The following IQUB variants were observed in gnomAD, a reference collection of about 807,000 sequenced individuals.
IQUB encodes the protein IQ motif and ubiquitin-like domain-containing protein.
IQUB carries 86 observed loss-of-function variants against 86.4 expected under a neutral mutation model. The ratio of observed to expected loss-of-function variants is 1.00; its 90% CI spans 0.84 to 1.19. The LOEUF (loss-of-function observed/expected upper bound fraction) is 1.19, where lower values mean the gene tolerates loss of function less well. Ranked by LOEUF, IQUB falls within the 50% of genes most tolerant of loss-of-function variation. The probability of loss-of-function intolerance (pLI) is 0.00; values close to 1 mark genes in which losing one functional copy is unlikely to be tolerated. For synonymous variants in IQUB, 289 were observed against 304.5 expected (o/e 0.95, Z 0.53); for missense variants, 946 against 916.9 (o/e 1.03, Z -0.41).
intron 9 of IQUB, among the ~76,000 whole-genome samples, chr7:123,466,171 T>C (rs902120540): frequency 6.6e-6 from 1 of 152,092 alleles, no homozygotes; most frequent in Admixed American, 6.6e-5. Context: ...TATTAACTTA[T>C]TTTAAGGTTG....
chr7:123,494,080 C>A (rs994912552), intron 7 of IQUB, among the ~76,000 whole-genome samples: 1 of 151,900 alleles, frequency 6.6e-6, no homozygotes, highest in Non-Finnish European at 1.5e-5. Context: ...ACAAAACAAC[C>A]CCAATTATTC....
At position 123,464,891 on chromosome 7, in the gene IQUB, AG is replaced by A. The variant is rs776191502; in HGVS notation, c.1699del (p.Leu567SerfsTer26). ...LEGLRKRIATLFFHYIKTPLF... is the reference protein window; with the variant it reads ...LEGLRKRIATXFFHYIKTPLF... ...AGGTGTTTTGATATAATGAAAAAAG[AG>A]TGTCGCAATTCTTTTTCTGAGTCCT... On this transcript the variant is annotated frameshift_variant, in exon 10 of 13. Coordinates refer to ENST00000324698, the MANE Select transcript of IQUB (RefSeq NM_178827.5). LOFTEE classifies it high-confidence loss of function. 6.2e-7 allele frequency: 1 copy of A among 1,607,460 alleles called. No homozygotes were observed. Among genetic ancestry groups the A allele is most frequent in the Non-Finnish European group, 8.5e-7 (1 of 1,177,238 alleles).
intron 6 of IQUB, among the ~76,000 whole-genome samples, chr7:123,498,222 G>C (rs938539932): frequency 6.6e-6 from 1 of 152,014 alleles, no homozygotes; most frequent in Non-Finnish European, 1.5e-5. Flanking sequence ...GCGGCATCTA[G>C]AAAACTATTA....
chr7:123,463,633 G>A (rs938814733), intron 10 of IQUB, among the ~76,000 whole-genome samples: 1 of 151,666 alleles, frequency 6.6e-6, no homozygotes, highest in African/African-American at 2.4e-5. Context: ...GGGAAGTTAG[G>A]GAAAAAGCTG....
At chr7:123,529,056 ATTG>A (rs1181098803) in intron 1 of IQUB, among the ~76,000 whole-genome samples, 2 of 152,134 alleles carry the variant, frequency 1.3e-5, no homozygotes, top group African/African-American at 4.8e-5. Flanking sequence ...TTTTTTCATT[ATTG>A]TTATCATTCA....
intron 1 of IQUB, among the ~76,000 whole-genome samples, chr7:123,526,986 G>A (rs996939667): frequency 2.0e-5 from 3 of 151,946 alleles, no homozygotes; most frequent in African/African-American, 7.3e-5. Context: ...TGAAATTCTG[G>A]GTTGAAAATT....
At chr7:123,511,520 G>A (rs1015537363) in intron 2 of IQUB, among the ~76,000 whole-genome samples, 4 of 152,112 alleles carry the variant, frequency 2.6e-5, no homozygotes, top group African/African-American at 4.8e-5. Flanking sequence ...TAGAATAAGC[G>A]AGCACTGGAT....
intron 3 of IQUB, among the ~76,000 whole-genome samples, chr7:123,503,715 A>T (rs1234219814): frequency 6.6e-6 from 1 of 151,818 alleles, no homozygotes; most frequent in Non-Finnish European, 1.5e-5. Context: ...AACACATATC[A>T]TTTAATTATT....
intron 11 of IQUB, among the ~76,000 whole-genome samples, chr7:123,460,426 T>C (rs569691316): frequency 2.6e-5 from 4 of 152,054 alleles, no homozygotes; most frequent in Non-Finnish European, 4.4e-5. Flanking sequence ...TTAATCTCTA[T>C]AAAGTTTTCT....
chr7:123,486,546 C>T (rs1036355086), intron 7 of IQUB, among the ~76,000 whole-genome samples: 8 of 152,076 alleles, frequency 5.3e-5, no homozygotes, highest in East Asian at 1.9e-4. Flanking sequence ...TTAATTGGTA[C>T]GTAGTAATTG....
intron 12 of IQUB, 21 bp downstream of exon 12, chr7:123,457,360 A>G (rs1793746963): frequency 6.2e-7 from 1 of 1,602,744 alleles, no homozygotes; most frequent in Non-Finnish European, 8.5e-7. Flanking sequence ...TAACTTCCCA[A>G]ATAAAATTCA....
intron 3 of IQUB, among the ~76,000 whole-genome samples, chr7:123,508,143 A>G (rs918805844): frequency 6.6e-6 from 1 of 152,180 alleles, no homozygotes; most frequent in African/African-American, 2.4e-5. Flanking sequence ...AAGCAGACAG[A>G]TTTGAAGATG....
chr7:123,517,928 G>T (rs191047965), intron 1 of IQUB, among the ~76,000 whole-genome samples: 26 of 152,282 alleles, frequency 1.7e-4, no homozygotes, highest in African/African-American at 6.0e-4. Flanking sequence ...CAGTCCGAAG[G>T]TATAGATACC....
rs781692022 is a variant in IQUB at position 123,469,279 on chromosome 7, T to C, written c.1516A>G (p.Met506Val). The C allele has an allele frequency of 6.2e-6, 10 of 1,608,816 alleles. No homozygotes were observed. Among genetic ancestry groups the C allele is most frequent in the African/African-American group, 1.3e-5 (1 of 74,960 alleles). ...TCATCTTGGGAGATATTTTTCAGCATAATGCACTTATAGATATTTTGCAGC... is the reference window on the plus strand; with the variant it reads ...TCATCTTGGGAGATATTTTTCAGCACAATGCACTTATAGATATTTTGCAGC... The part of the protein sequence containing the change: ...RELQNIYKCI[M>V]LKNISQDERL... The change falls in exon 9 of 13, where the codon ATG becomes GTG. Residue 506 changes from methionine (M) to valine (V), a missense_variant. Met to Val is a conservative substitution (Grantham distance 21). Coordinates refer to ENST00000324698, the MANE Select transcript of IQUB (RefSeq NM_178827.5).
chr7:123,493,774 T>TGTGTGC lies in IQUB; in HGVS notation c.1234+2921_1234+2922insGCACAC, dbSNP rs1449280726. Among the ~76,000 whole-genome samples the TGTGTGC allele has an allele frequency of 3.9e-3, 567 of 144,826 alleles. 2 individuals are homozygous for TGTGTGC. The highest frequency in any genetic ancestry group is 5.3e-3 in the Non-Finnish European group (346 of 65,892). ...GTGTGTGTGTGTGTGTGTGTGTGTG[T>TGTGTGC]GCATGTGTGTATATATACATATACA... On this transcript the variant is annotated intron_variant, in intron 7 of 12. Transcript: ENST00000324698.
intron 12 of IQUB, 23 bp downstream of exon 12, chr7:123,457,358 C>G (rs1314719666): frequency 9.4e-6 from 15 of 1,600,914 alleles, no homozygotes; most frequent in Non-Finnish European, 1.3e-5. Context: ...ATTAACTTCC[C>G]AAATAAAATT....
intron 7 of IQUB, among the ~76,000 whole-genome samples, chr7:123,488,349 G>GA (rs536092384): frequency 0.32 from 31,600 of 97,896 alleles, 3,848 homozygotes; most frequent in East Asian, 0.42. Context: ...TCAAAAAAAA[G>GA]AAAAAAAAAA....
At chr7:123,457,068 G>A (rs1793731642) in intron 12 of IQUB, 1 of 532,024 alleles carries the variant, frequency 1.9e-6, no homozygotes, top group Non-Finnish European at 2.4e-6. Context: ...GTAGGTATTA[G>A]AGAAATAGAT....
chr7:123,526,267 C>G (rs1350340147), intron 1 of IQUB, among the ~76,000 whole-genome samples: 1 of 152,046 alleles, frequency 6.6e-6, no homozygotes, highest in Non-Finnish European at 1.5e-5. Context: ...TGTTGACTTT[C>G]TGTCTCGTTG....
Sources: gnomAD v4.1 joint callset for allele counts (sites outside exome capture counted in the v4.1 genomes callset) on GRCh38, gnomAD v4.1.1 for gene constraint, MANE v1.5 for transcripts, NCBI Gene and HGNC (gene_info 2026-07-23, HGNC 2026-07-21) for gene names.